Variants in KBTBD2 observed in about 807,000 individuals in gnomAD.
The protein encoded by KBTBD2 is kelch repeat and BTB domain-containing protein 2.
Under a neutral mutation model 57.1 loss-of-function variants are expected in KBTBD2, and 17 were observed. The observed-to-expected ratio is 0.30, with a 90% confidence interval of 0.20 to 0.45. KBTBD2 has a LOEUF of 0.45. Among genes scored for constraint, KBTBD2 ranks in the 20% least tolerant of loss-of-function variants. The pLI is 1.00. For synonymous variants in KBTBD2, 267 were observed against 262.7 expected, an observed-to-expected ratio of 1.02 and a Z score of -0.16; for missense variants, 515 against 750.6, an observed-to-expected ratio of 0.69 and a Z score of 3.67.
chr7:32,872,403 G>A (rs1784203541), intron 3 of KBTBD2, among the ~76,000 whole-genome samples: 1 of 152,182 alleles, frequency 6.6e-6, no homozygotes, highest in Non-Finnish European at 1.5e-5. Context: ...AGGTTGGCCA[G>A]GTGTTGTAAC....
At position 32,869,323 on chromosome 7, in the gene KBTBD2, G is replaced by A. The variant is rs772042847; in HGVS notation, c.*22C>T. The A allele has an allele frequency of 1.2e-5, 18 of 1,515,150 alleles. No individual in the cohort carries two copies. The highest frequency in any genetic ancestry group is 4.9e-5 in the South Asian group (4 of 82,374). 93.9% of individuals were successfully genotyped at this position (1,515,150 alleles called of 1,614,324 possible). On this transcript the variant is annotated 3_prime_UTR_variant, in exon 4 of 4. Coordinates refer to ENST00000304056, the MANE Select transcript of KBTBD2 (RefSeq NM_015483.3). ...AAATGACAAAGCACATAACTCAGGC[G>A]TGCACTCCCTGAACTTCCCCACTAT...
chr7:32,885,196 AT>A (rs1331479291), intron 1 of KBTBD2, among the ~76,000 whole-genome samples: 2 of 151,710 alleles, frequency 1.3e-5, no homozygotes, highest in Non-Finnish European at 2.9e-5. Context: ...TCTTGATGAA[AT>A]ATTTAGTCAG....
chr7:32,882,465 G>A (rs900892362), intron 1 of KBTBD2, among the ~76,000 whole-genome samples: 3 of 152,034 alleles, frequency 2.0e-5, no homozygotes, highest in South Asian at 2.1e-4. Flanking sequence ...ATTTTTTATC[G>A]TATCCATGAA....
chr7:32,885,925 T>TTA (rs398004300), intron 1 of KBTBD2, among the ~76,000 whole-genome samples: 5 of 150,974 alleles, frequency 3.3e-5, no homozygotes, highest in South Asian at 4.2e-4. Flanking sequence ...TTTTTTTTTT[T>TTA]AAAGACAGAG....
At chr7:32,889,105 A>T (rs900554155) in intron 1 of KBTBD2, among the ~76,000 whole-genome samples, 3 of 152,088 alleles carry the variant, frequency 2.0e-5, no homozygotes, top group African/African-American at 7.2e-5. Context: ...CCAGGTCAGG[A>T]GATCGAGACC....
At position 32,870,266 on chromosome 7, in the gene KBTBD2, A is replaced by T; in HGVS notation, c.951T>A (p.Asp317Glu). The change falls in exon 4 of 4, where the codon GAT becomes GAA. Residue 317 changes from aspartate (D) to glutamate (E), a missense_variant. Coordinates refer to ENST00000304056, the MANE Select transcript of KBTBD2 (RefSeq NM_015483.3). ...KVGTVVTPDN[D>E]IYIAGGQVPL... ...GAACTTGACCCCCTGCTATGTAGAT[A>T]TCATTATCAGGAGTTACAACGGTCC... 6.2e-7 allele frequency: 1 copy of T among 1,614,144 alleles called. No individual in the cohort carries two copies. The highest frequency in any genetic ancestry group is 1.1e-5 in the South Asian group (1 of 91,084).
intron 1 of KBTBD2, among the ~76,000 whole-genome samples, chr7:32,885,867 T>C (rs1360277700): frequency 2.0e-5 from 3 of 151,992 alleles, no homozygotes; most frequent in Non-Finnish European, 4.4e-5. Flanking sequence ...AAGGTTAAAA[T>C]GTTATACACA....
At chr7:32,889,379 G>A (rs1226482914) in intron 1 of KBTBD2, among the ~76,000 whole-genome samples, 1 of 152,042 alleles carries the variant, frequency 6.6e-6, no homozygotes. Flanking sequence ...GAGGTGAGGG[G>A]ATCACGAGGT....
intron 2 of KBTBD2, among the ~76,000 whole-genome samples, chr7:32,878,235 T>C (rs1784361815): frequency 6.6e-6 from 1 of 152,138 alleles, no homozygotes; most frequent in Admixed American, 6.5e-5. Flanking sequence ...ACAAAGTCAG[T>C]CAGCCCTGAA....
chr7:32,891,874 G>GCGCGCCGCC (rs1784761609), upstream of KBTBD2: 2 of 94,232 alleles, frequency 2.1e-5, no homozygotes, highest in African/African-American at 9.9e-5. Context: ...GAGACGCCGG[G>GCGCGCCGCC]CCCGCCGCCC....
chr7:32,882,761 A>G (rs1236623329), intron 1 of KBTBD2, among the ~76,000 whole-genome samples: 1 of 152,114 alleles, frequency 6.6e-6, no homozygotes, highest in African/African-American at 2.4e-5. Context: ...AGGTCGGTGG[A>G]TCACTTGAGG....
intron 1 of KBTBD2, among the ~76,000 whole-genome samples, chr7:32,885,926 A>T (rs1483710662): frequency 1.4e-4 from 6 of 43,660 alleles, no homozygotes; most frequent in East Asian, 6.5e-4. Flanking sequence ...TTTTTTTTTT[A>T]AAGACAGAGT....
chr7:32,884,461 GGA>G (rs1784519205), intron 1 of KBTBD2, among the ~76,000 whole-genome samples: 1 of 151,154 alleles, frequency 6.6e-6, no homozygotes, highest in Admixed American at 6.6e-5. Context: ...AGGCTGAGGT[GGA>G]CAGATCACCT....
chr7:32,888,901 CAAG>C (rs893282815), intron 1 of KBTBD2, among the ~76,000 whole-genome samples: 6 of 152,146 alleles, frequency 3.9e-5, no homozygotes, highest in Admixed American at 3.9e-4. Flanking sequence ...AAAAATTAAA[CAAG>C]AACATAAAGG....
chr7:32,875,424 C>T (rs1784288498), intron 2 of KBTBD2, among the ~76,000 whole-genome samples: 1 of 152,094 alleles, frequency 6.6e-6, no homozygotes, highest in South Asian at 2.1e-4. Context: ...TGCACCACCA[C>T]ACCCAGCTAT....
chr7:32,889,292 T>TAAA (rs565823381), intron 1 of KBTBD2, among the ~76,000 whole-genome samples: 11 of 138,316 alleles, frequency 8.0e-5, no homozygotes, highest in African/African-American at 2.4e-4. Flanking sequence ...CTCCGTCTCT[T>TAAA]AAAAAAAAAA....
At chr7:32,880,550 T>TAAA (rs398066755) in intron 1 of KBTBD2, among the ~76,000 whole-genome samples, 2 of 146,742 alleles carry the variant, frequency 1.4e-5, no homozygotes, top group African/African-American at 5.0e-5. Context: ...ATATTTTACT[T>TAAA]AAAAAAAAAA....
chr7:32,891,867 A>ACGCCGGGCC (rs1784761006), upstream of KBTBD2: 3 of 82,364 alleles, frequency 3.6e-5, no homozygotes, highest in African/African-American at 1.7e-4. Context: ...GGGCCGCGAG[A>ACGCCGGGCC]CGCCGGGCCC....
At chr7:32,877,037 G>C (rs1017305970) in intron 2 of KBTBD2, among the ~76,000 whole-genome samples, 1 of 111,244 alleles carries the variant, frequency 9.0e-6, no homozygotes, top group African/African-American at 5.0e-5. Context: ...TTCTTTTTTT[G>C]AGACAGAGTC....
Sources: allele counts gnomAD v4.1 joint callset (sites outside exome capture counted in the v4.1 genomes callset), GRCh38; gene constraint gnomAD v4.1.1; transcripts MANE v1.5; gene names NCBI Gene and HGNC (gene_info 2026-07-23, HGNC 2026-07-21).